Variants in LOXHD1 observed in about 807,000 individuals in gnomAD.
LOXHD1 encodes the protein lipoxygenase homology PLAT domains 1.
A neutral mutation model predicts 248.2 loss-of-function variants in LOXHD1; 205 were observed. The observed-to-expected ratio is 0.83, with a 90% CI of 0.74 to 0.93. The LOEUF is 0.93. Among genes scored for constraint, LOXHD1 ranks in the 40% least tolerant of loss-of-function variants. The pLI is 0.00. For missense variants in LOXHD1, 2,930 were observed against 2,971.6 expected, an observed-to-expected ratio of 0.99 and a Z score of 0.33; for synonymous variants, 1,113 against 1,162.8, an observed-to-expected ratio of 0.96 and a Z score of 0.87.
chr18:46,550,055 G>T (rs1270555955), intron 21 of LOXHD1, among the ~76,000 whole-genome samples: 1 of 152,154 alleles, frequency 6.6e-6, no homozygotes. Context: ...TAATCAACAA[G>T]CCAATAAATG....
At chr18:46,511,296 C>T (rs1019528048) in intron 34 of LOXHD1, among the ~76,000 whole-genome samples, 4 of 152,152 alleles carry the variant, frequency 2.6e-5, no homozygotes, top group African/African-American at 9.7e-5. Flanking sequence ...CTTCCAGGTG[C>T]CCCAGACCCC....
chr18:46,615,784 T>C (rs570492686), intron 5 of LOXHD1, among the ~76,000 whole-genome samples: 41 of 152,214 alleles, frequency 2.7e-4, no homozygotes, highest in Non-Finnish European at 5.3e-4. Context: ...ATTGAGAGTA[T>C]TGTATCAAAA....
intron 5 of LOXHD1, 125 bp from the exon 6 acceptor site, chr18:46,611,049 C>T: frequency 9.1e-7 from 1 of 1,097,326 alleles, no homozygotes; most frequent in Non-Finnish European, 1.3e-6. Flanking sequence ...CTCCTGAGAT[C>T]TAAGGGCTCC....
At chr18:46,651,432 C>A (rs2039109956) in intron 1 of LOXHD1, among the ~76,000 whole-genome samples, 1 of 152,144 alleles carries the variant, frequency 6.6e-6, no homozygotes, top group South Asian at 2.1e-4. Flanking sequence ...GTTGCCCACA[C>A]AGCTTGCACA....
rs1039777754 is a variant in LOXHD1, at chr18:46,646,935, C to T, written c.245+2220G>A. Among the ~76,000 whole-genome samples, 5 of 152,200 alleles carry T rather than the reference C, an allele frequency of 3.3e-5. No individual in the cohort carries two copies. In the East Asian group the frequency reaches 7.7e-4, roughly 23 times the overall value. On this transcript the variant is annotated intron_variant, in intron 2 of 40. Coordinates refer to ENST00000642948, the MANE Select transcript of LOXHD1 (RefSeq NM_001384474.1). ...TCCTCCAGCTCCCTCCATCACTCCTCGAAGCCCCTCTCCAGCCCCACAGCT... is the reference window on the plus strand; with the variant it reads ...TCCTCCAGCTCCCTCCATCACTCCTTGAAGCCCCTCTCCAGCCCCACAGCT...
intron 7 of LOXHD1, 94 bp from the exon 8 acceptor site, chr18:46,601,561 A>ATCCTCTTT: frequency 6.6e-7 from 1 of 1,507,990 alleles, no homozygotes; most frequent in Non-Finnish European, 9.0e-7. Context: ...ACACCCCCAA[A>ATCCTCTTT]GCCCTCCTCC....
chr18:46,599,815 C>A (rs1013195997), intron 8 of LOXHD1, among the ~76,000 whole-genome samples: 14 of 152,074 alleles, frequency 9.2e-5, no homozygotes, highest in Admixed American at 6.6e-4. Flanking sequence ...AATAAAAACA[C>A]ATTCAACCTT....
Position 46,657,156 on chromosome 18 carries a change from T to C in LOXHD1, c.-123A>G. On this transcript the variant is annotated 5_prime_UTR_variant, in exon 1 of 41. Transcript: ENST00000642948. ...GGCCCTCCTATAGCTCAGGCCTGGGTGGGCCAGAGTGCCCCGTTTTCTTGG... is the reference window on the plus strand; with the variant it reads ...GGCCCTCCTATAGCTCAGGCCTGGGCGGGCCAGAGTGCCCCGTTTTCTTGG... 2 of 1,466,456 alleles carry C rather than the reference T, an allele frequency of 1.4e-6. No homozygotes were observed. Among genetic ancestry groups the C allele is most frequent in the South Asian group, 2.6e-5 (2 of 75,924 alleles). 90.8% of individuals were successfully genotyped at this position (1,466,456 alleles called of 1,614,324 possible). A position where few individuals can be genotyped will look rare whatever the true frequency, so the allele number is the denominator to read the frequency against.
intron 2 of LOXHD1, among the ~76,000 whole-genome samples, chr18:46,646,135 C>A (rs1555690021): frequency 6.6e-6 from 1 of 152,054 alleles, no homozygotes; most frequent in Non-Finnish European, 1.5e-5. Flanking sequence ...TTCTAGCTGC[C>A]CCTGGAGGTT....
rs1317593212 is a variant in LOXHD1, at chr18:46,566,459, A to T, written c.2245-10T>A. Reference sequence around the variant, plus strand: ...TCACCAGCCGGTTGATCTGAAGGAAACCCGAGTGAGGGTGAGCAAGGAGCC... The same window carrying T: ...TCACCAGCCGGTTGATCTGAAGGAATCCCGAGTGAGGGTGAGCAAGGAGCC... On this transcript the variant is annotated splice_polypyrimidine_tract_variant and intron_variant, in intron 16 of 40. Transcript: ENST00000642948. 3 of 1,546,498 alleles carry T rather than the reference A, an allele frequency of 1.9e-6. No homozygotes were observed. Among genetic ancestry groups the T allele is most frequent in the African/African-American group, 1.4e-5 (1 of 72,952 alleles).
intron 37 of LOXHD1, among the ~76,000 whole-genome samples, chr18:46,497,555 G>A (rs1446940239): frequency 2.0e-5 from 3 of 152,108 alleles, no homozygotes; most frequent in Non-Finnish European, 1.5e-5. Context: ...AACCACTAAG[G>A]CACAAGGAAC....
chr18:46,506,084 T>G, intron 36 of LOXHD1, 61 bp from the exon 37 acceptor site: 1 of 1,528,860 alleles, frequency 6.5e-7, no homozygotes, highest in Non-Finnish European at 8.8e-7. Flanking sequence ...GTCCTCTTGC[T>G]CTGGCCTTGA....
At position 46,641,177 on chromosome 18, in the gene LOXHD1, A is replaced by G. The variant is rs549175623; in HGVS notation, c.326+779T>C. 3.9e-5 allele frequency among the ~76,000 whole-genome samples: 6 copies of G among 152,218 alleles called. No individual in the cohort carries two copies. The East Asian group carries it at 1.2e-3, about 29-fold the overall frequency. ...ATATTCATGTGCCCCTTATTTCCCC[A>G]GCAAAGAGAGTTCGTGATATTGTAT... On this transcript the variant is annotated intron_variant, in intron 3 of 40. Transcript: ENST00000642948.
At position 46,477,952 on chromosome 18, in the gene LOXHD1, C is replaced by G. The variant is rs990713297; in HGVS notation, c.6342G>C (p.Val2114=). The G allele has an allele frequency of 5.4e-5, 83 of 1,546,074 alleles. No individual in the cohort carries two copies. The highest frequency in any genetic ancestry group is 9.5e-5 in the South Asian group (8 of 83,888). ...TGAGGCAGTCACAGTTAAAGAAGTA[C>G]CTGGCAGAGAGGTGGGAGAGTGGAG... ...ITITEMEYGN[V]YFFNCDCLIP... Residue 2114 remains valine, a splice_region_variant and synonymous_variant, in exon 41 of 41, where the codon GTG becomes GTC. Transcript: ENST00000642948.
intron 34 of LOXHD1, among the ~76,000 whole-genome samples, chr18:46,514,461 A>G (rs1385120492): frequency 6.6e-6 from 1 of 152,206 alleles, no homozygotes; most frequent in Non-Finnish European, 1.5e-5. Flanking sequence ...CCCCAAAGAT[A>G]AGCCCTTTGC....
At chr18:46,610,538 AAAAG>A (rs1476365431) in intron 6 of LOXHD1, among the ~76,000 whole-genome samples, 2 of 152,180 alleles carry the variant, frequency 1.3e-5, no homozygotes. Flanking sequence ...CCCTAAAAAG[AAAAG>A]AGAGAGAGAG....
intron 40 of LOXHD1, among the ~76,000 whole-genome samples, chr18:46,482,718 G>A (rs1653813970): frequency 6.6e-6 from 1 of 152,246 alleles, no homozygotes; most frequent in African/African-American, 2.4e-5. Flanking sequence ...CCTAGGTCCA[G>A]CCTGGCTGCC....
chr18:46,533,629 A>G (rs2036175102), intron 27 of LOXHD1: 1 of 345,490 alleles, frequency 2.9e-6, no homozygotes, highest in East Asian at 6.8e-5. Flanking sequence ...TGTATTTAAA[A>G]ATTGCTCCCT....
chr18:46,522,234 A>G lies in LOXHD1; in HGVS notation c.4952T>C (p.Leu1651Pro). ...ACTACGTTCATCATCCTCCCCGATGAGAAAGATGAAGGCTCGGCTGTCAGT... is the reference window on the plus strand; with the variant it reads ...ACTACGTTCATCATCCTCCCCGATGGGAAAGATGAAGGCTCGGCTGTCAGT... ...AATDSRAFIFLIGEDDERSKR... is the reference protein window; with the variant it reads ...AATDSRAFIFPIGEDDERSKR... The change falls in exon 32 of 41, where the codon CTC (leucine) becomes CCC (proline). Residue 1651 changes from leucine (L) to proline (P), a missense_variant. By Grantham distance (98) the Leu-to-Pro change is moderately conservative. Coordinates refer to ENST00000642948, the MANE Select transcript of LOXHD1 (RefSeq NM_001384474.1). The G allele has an allele frequency of 3.9e-6, 6 of 1,551,916 alleles. No homozygotes were observed. Among genetic ancestry groups the G allele is most frequent in the Non-Finnish European group, 5.2e-6 (6 of 1,147,036 alleles).
Sources: allele counts gnomAD v4.1 joint callset (sites outside exome capture counted in the v4.1 genomes callset), GRCh38; gene constraint gnomAD v4.1.1; transcripts MANE v1.5; gene names NCBI Gene and HGNC (gene_info 2026-07-23, HGNC 2026-07-21).